The following TCERG1L variants were observed in gnomAD, a reference collection of about 807,000 sequenced individuals.
TCERG1L encodes transcription elongation regulator 1-like protein.
TCERG1L carries 37 observed loss-of-function variants against 56.3 expected under a neutral mutation model. That is an observed-to-expected ratio of 0.66 (90% CI 0.51 to 0.87). The LOEUF (loss-of-function observed/expected upper bound fraction) is 0.87. Ranked by LOEUF, TCERG1L falls within the 40% of genes least tolerant of loss-of-function variation. The pLI is 0.00. For missense variants in TCERG1L, 799 were observed against 774.2 expected (o/e 1.03, Z -0.38); for synonymous variants, 324 against 326.3 (o/e 0.99, Z 0.08).
At chr10:131,233,347 T>G (rs2133512454) in intron 4 of TCERG1L, among the ~76,000 whole-genome samples, 1 of 152,314 alleles carries the variant, frequency 6.6e-6, no homozygotes, top group African/African-American at 2.4e-5. Flanking sequence ...ATTTCCTCTT[T>G]TTTGGTCCCT....
chr10:131,201,422 C>A (rs772970407), intron 4 of TCERG1L, among the ~76,000 whole-genome samples: 1 of 152,142 alleles, frequency 6.6e-6, no homozygotes, highest in African/African-American at 2.4e-5. Flanking sequence ...GGGAGCACAG[C>A]GCCAAGAGTT....
chr10:131,225,625 C>T (rs1011409455), intron 4 of TCERG1L, among the ~76,000 whole-genome samples: 5 of 152,170 alleles, frequency 3.3e-5, no homozygotes, highest in Non-Finnish European at 7.3e-5. Context: ...CCAAATCTCA[C>T]AACGGCTCCA....
At chr10:131,160,004 T>C (rs924496886) in intron 6 of TCERG1L, among the ~76,000 whole-genome samples, 1 of 152,176 alleles carries the variant, frequency 6.6e-6, no homozygotes, top group Non-Finnish European at 1.5e-5. Context: ...TCTCTCTGCA[T>C]TCAGGTGGGG....
chr10:131,093,355 GA>G (rs748143290), intron 11 of TCERG1L, 37 bp from the exon 12 acceptor site: 3 of 1,608,468 alleles, frequency 1.9e-6, no homozygotes, highest in South Asian at 2.2e-5. Context: ...ACCTTCCAGA[GA>G]GCAACTCTGG....
chr10:131,185,089 C>T (rs1363969037), intron 4 of TCERG1L, among the ~76,000 whole-genome samples: 2 of 151,770 alleles, frequency 1.3e-5, no homozygotes, highest in Non-Finnish European at 2.9e-5. Context: ...GAGCGAGACC[C>T]TATCTCAAAA....
At position 131,093,372 on chromosome 10, in the gene TCERG1L, C is replaced by T. The variant is rs994250228; in HGVS notation, c.1605-54G>A. ...CTTCCAGAGAGCAACTCTGGCCTCC[C>T]CAGAGATCCTGCAGCGGCACCGCCT... On this transcript the variant is annotated intron_variant, in intron 11 of 11. Transcript: ENST00000368642. 13 of 1,589,742 alleles carry T rather than the reference C, an allele frequency of 8.2e-6. No homozygotes were observed. The East Asian group carries it at 1.8e-4, about 22-fold the overall frequency.
At chr10:131,285,763 G>A (rs7092514) in intron 3 of TCERG1L, among the ~76,000 whole-genome samples, 11,165 of 152,100 alleles carry the variant, frequency 0.073, 519 homozygotes, top group African/African-American at 0.11. Flanking sequence ...ATACACCACA[G>A]TAACAGATTA....
chr10:131,276,691 A>ATTG (rs200866837), intron 3 of TCERG1L, among the ~76,000 whole-genome samples: 3,164 of 152,224 alleles, frequency 0.021, 81 homozygotes, highest in East Asian at 0.089. Flanking sequence ...ATGCCTCATC[A>ATTG]AGATACCAAA....
intron 4 of TCERG1L, among the ~76,000 whole-genome samples, chr10:131,232,114 G>A (rs1845859044): frequency 6.6e-6 from 1 of 152,262 alleles, no homozygotes; most frequent in Non-Finnish European, 1.5e-5. Flanking sequence ...CTCAGGGCCA[G>A]TGGCATGTTA....
chr10:131,104,003 G>A (rs1028385050), intron 10 of TCERG1L, among the ~76,000 whole-genome samples: 3 of 152,130 alleles, frequency 2.0e-5, no homozygotes, highest in African/African-American at 4.8e-5. Context: ...TTTGGAATGA[G>A]GGTCAATGTT....
intron 3 of TCERG1L, among the ~76,000 whole-genome samples, chr10:131,291,244 C>G: frequency 6.6e-6 from 1 of 151,712 alleles, no homozygotes. Context: ...GTGTAGATTA[C>G]TATGTCAGTA....
intron 8 of TCERG1L, among the ~76,000 whole-genome samples, chr10:131,130,693 G>A (rs577690856): frequency 2.6e-5 from 4 of 152,286 alleles, no homozygotes; most frequent in South Asian, 2.1e-4. Flanking sequence ...CTGAGATTGT[G>A]ATAAATTTAT....
At chr10:131,216,364 T>C (rs1402165463) in intron 4 of TCERG1L, among the ~76,000 whole-genome samples, 1 of 152,198 alleles carries the variant, frequency 6.6e-6, no homozygotes, top group Non-Finnish European at 1.5e-5. Flanking sequence ...TACCATCTAC[T>C]GTCGCAGATC....
chr10:131,101,948 C>G (rs895195269), intron 10 of TCERG1L, among the ~76,000 whole-genome samples: 4 of 152,172 alleles, frequency 2.6e-5, no homozygotes, highest in African/African-American at 7.2e-5. Context: ...ATGATCCGCC[C>G]ACCTCGGCCT....
Position 131,111,270 on chromosome 10 carries a change from C to T in TCERG1L, c.1395+5529G>A, listed in dbSNP as rs1239612691. On this transcript the variant is annotated intron_variant, in intron 9 of 11. Coordinates refer to ENST00000368642, the MANE Select transcript of TCERG1L (RefSeq NM_174937.4). ...TCTGTCTGCACCGTCCGCCCCCACCCACCCTCATGGCTCCCTGCTGTGGTC... is the reference window on the plus strand; with the variant it reads ...TCTGTCTGCACCGTCCGCCCCCACCTACCCTCATGGCTCCCTGCTGTGGTC... Among the ~76,000 whole-genome samples the T allele has an allele frequency of 1.4e-5, 2 of 142,444 alleles. 1 individual carries two copies. The highest frequency in any genetic ancestry group is 4.9e-5 in the African/African-American group (2 of 40,448). 93.4% of individuals were successfully genotyped at this position (142,444 alleles called of 152,430 possible). A position where few individuals can be genotyped will look rare whatever the true frequency, so the allele number is the denominator to read the frequency against.
At chr10:131,109,483 T>A (rs978401493) in intron 9 of TCERG1L, among the ~76,000 whole-genome samples, 2 of 152,086 alleles carry the variant, frequency 1.3e-5, no homozygotes, top group African/African-American at 2.4e-5. Flanking sequence ...TGTGTCTGTG[T>A]CTGTGTCTGT....
intron 10 of TCERG1L, among the ~76,000 whole-genome samples, chr10:131,100,586 C>CA (rs1358686477): frequency 6.6e-6 from 1 of 152,010 alleles, no homozygotes; most frequent in East Asian, 1.9e-4. Flanking sequence ...TGTTCTAGCG[C>CA]AAAAAAACAA....
intron 3 of TCERG1L, among the ~76,000 whole-genome samples, chr10:131,285,506 AAG>A (rs1268775656): frequency 1.5e-4 from 4 of 26,328 alleles, no homozygotes; most frequent in African/African-American, 2.2e-4. Context: ...GAAAGAAAGA[AAG>A]AAAGAAAGAA....
At chr10:131,096,047 C>T (rs540583122) in intron 11 of TCERG1L, among the ~76,000 whole-genome samples, 11 of 152,330 alleles carry the variant, frequency 7.2e-5, no homozygotes, top group Middle Eastern at 3.4e-3. Flanking sequence ...CTACCACTTT[C>T]GGAGCTCCTC....
Sources: gnomAD v4.1 joint callset for allele counts (sites outside exome capture counted in the v4.1 genomes callset) on GRCh38, gnomAD v4.1.1 for gene constraint, MANE v1.5 for transcripts, NCBI Gene and HGNC (gene_info 2026-07-23, HGNC 2026-07-21) for gene names.